Variants in BMX observed in about 807,000 individuals in gnomAD.
BMX encodes cytoplasmic tyrosine-protein kinase BMX.
BMX carries 31 observed loss-of-function variants against 59.2 expected under a neutral mutation model. The observed-to-expected ratio is 0.52, with a 90% confidence interval of 0.39 to 0.71. The LOEUF is 0.71. Among genes scored for constraint, BMX ranks in the 30% least tolerant of loss-of-function variants. The pLI, the probability that BMX is intolerant of heterozygous loss-of-function variation, is 0.00. For synonymous variants in BMX, 185 were observed against 181.0 expected (o/e 1.02, Z -0.18); for missense variants, 474 against 491.7 (o/e 0.96, Z 0.34).
At chrX:15,529,933 A>C in intron 9 of BMX, 40 bp from the exon 10 acceptor site, 1 of 1,154,769 alleles carries the variant, frequency 8.7e-7, no homozygotes, top group Non-Finnish European at 1.2e-6. Context: ...TACAATCTAA[A>C]ACTTATTGAT....
In BMX at chrX:15,536,227, A is replaced by G. The variant is rs1039989657; in HGVS notation, c.1148-126A>G. ...ACAACTGAATGGATTCTCTCTCTGC[A>G]TTACAACATTCTGAACTCTTTGCTT... On this transcript the variant is annotated intron_variant, in intron 12 of 18. Coordinates refer to ENST00000348343, the MANE Select transcript of BMX (RefSeq NM_203281.3). The G allele has an allele frequency of 6.5e-6, 4 of 620,037 alleles. No homozygotes were observed. The African/African-American group carries it at 8.8e-5, about 14-fold the overall frequency. The allele number at this position is 620,037 out of a possible 1,213,427, so 51.1% of individuals were successfully genotyped here.
In BMX at chrX:15,521,498, T is replaced by C. The variant is rs148550574; in HGVS notation, c.511-848T>C. Among the ~76,000 whole-genome samples, 246 of 112,289 alleles carry C rather than the reference T, an allele frequency of 2.2e-3. 1 individual carries two copies. The highest frequency in any genetic ancestry group is 7.3e-3 in the African/African-American group (227 of 30,900). On this transcript the variant is annotated intron_variant, in intron 6 of 18. Coordinates refer to ENST00000348343, the MANE Select transcript of BMX (RefSeq NM_203281.3). ...GGCTTAAAGCAACATACATTTATTC[T>C]CTTATAGTTTGGAAGATCATATGTC...
intron 17 of BMX, among the ~76,000 whole-genome samples, chrX:15,547,993 G>A (rs2147142746): frequency 9.0e-6 from 1 of 111,436 alleles, no homozygotes; most frequent in East Asian, 2.8e-4. Flanking sequence ...ATTTCTCTAT[G>A]TGACACAATT....
Position 15,509,501 on chromosome X carries a change from T to C in BMX, c.243+68T>C, listed in dbSNP as rs766856304. On this transcript the variant is annotated intron_variant, in intron 3 of 18. Coordinates refer to ENST00000348343, the MANE Select transcript of BMX (RefSeq NM_203281.3). ...TTCAATTTTTCTATCGTGAACTCAA[T>C]ATATCTAGGAAAAATAATGATATTT... The C allele has an allele frequency of 3.3e-5, 22 of 672,031 alleles. No homozygotes were observed. In the African/African-American group the frequency reaches 5.0e-4, roughly 15 times the overall value. 55.4% of individuals were successfully genotyped at this position (672,031 alleles called of 1,213,427 possible). A position where few individuals can be genotyped will look rare whatever the true frequency, so the allele number is the denominator to read the frequency against.
intron 11 of BMX, among the ~76,000 whole-genome samples, chrX:15,533,864 A>C (rs1176542517): frequency 9.0e-6 from 1 of 111,350 alleles, no homozygotes; most frequent in Admixed American, 9.6e-5. Context: ...TTATGTTCAG[A>C]ATAATGATCC....
At position 15,508,384 on chromosome X, in the gene BMX, C is replaced by A; in HGVS notation, c.31C>A (p.Leu11Ile). ...TACAAAATCTATTCTAGAAGAACTT[C>A]TTCTCAAAAGATCACAGCAAAAGAA... MDTKSILEEL[L>I]LKRSQQKKKM... The change falls in exon 2 of 19, where the codon CTT becomes ATT. Residue 11 changes from leucine to isoleucine, a missense_variant. Coordinates refer to ENST00000348343, the MANE Select transcript of BMX (RefSeq NM_203281.3). The A allele has an allele frequency of 5.2e-6, 6 of 1,152,248 alleles. No individual in the cohort carries two copies. The highest frequency in any genetic ancestry group is 7.0e-6 in the Non-Finnish European group (6 of 854,054). The allele number at this position is 1,152,248 out of a possible 1,213,427, so 95.0% of individuals were successfully genotyped here. A position where few individuals can be genotyped will look rare whatever the true frequency, so the allele number is the denominator to read the frequency against.
rs780708971 is a variant in BMX, at chrX:15,525,373, A to T, written c.830+8A>T. On this transcript the variant is annotated splice_region_variant and intron_variant, in intron 8 of 18. Transcript: ENST00000348343. ...CACCTCAAAGATTTCATGGTAAATC[A>T]AATTCAGATATCTCCTACATCCAGA... 1 of 1,189,860 alleles carries T rather than the reference A, an allele frequency of 8.4e-7. No homozygotes were observed. The highest frequency in any genetic ancestry group is 1.1e-6 in the Non-Finnish European group (1 of 876,833).
In BMX at chrX:15,546,860, G is replaced by A. The variant is rs747676627; in HGVS notation, c.1734G>A (p.Trp578Ter). The A allele has an allele frequency of 1.7e-6, 2 of 1,210,998 alleles. No individual in the cohort carries two copies. The highest frequency in any genetic ancestry group is 2.2e-6 in the Non-Finnish European group (2 of 895,107). ...TCGGAACAAAGTTTCCAGTCAAGTG[G>A]TCAGCTCCAGAGGTGTTTCATTACT... ...SSVGTKFPVK[W>*]SAPEVFHYFK... Residue 578 changes from tryptophan (W) to a stop codon, truncating the protein, a stop_gained, in exon 17 of 19, where the codon TGG becomes TGA. Transcript: ENST00000348343. LOFTEE classifies it high-confidence loss of function.
chrX:15,516,185 C>T lies in BMX; in HGVS notation c.399C>T (p.Cys133=). The T allele has an allele frequency of 3.3e-6, 4 of 1,210,925 alleles. No homozygotes were observed. Among genetic ancestry groups the T allele is most frequent in the Non-Finnish European group, 4.5e-6 (4 of 894,903 alleles). Reference sequence around the variant, plus strand: ...TCGTGGACGGGAAGTTCCTGTGTTGCCAGCAGAGCTGTAAAGCAGCCCCAG... The same window carrying T: ...TCGTGGACGGGAAGTTCCTGTGTTGTCAGCAGAGCTGTAAAGCAGCCCCAG... The part of the protein sequence containing the change: ...GFFVDGKFLC[C]QQSCKAAPGC... The change falls in exon 5 of 19, where the codon TGC becomes TGT. Residue 133 remains cysteine (C), a synonymous_variant. Transcript: ENST00000348343.
At chrX:15,550,568 G>A (rs7062262) in intron 18 of BMX, among the ~76,000 whole-genome samples, 2,173 of 109,127 alleles carry the variant, frequency 0.02, 67 homozygotes, top group African/African-American at 0.069. Flanking sequence ...AGCTTCAGGG[G>A]ATTAATTTGC....
intron 18 of BMX, among the ~76,000 whole-genome samples, chrX:15,554,746 C>G (rs1192347338): frequency 9.0e-6 from 1 of 111,145 alleles, no homozygotes; most frequent in Non-Finnish European, 1.9e-5. Flanking sequence ...AAATATGGCT[C>G]CAAATATATA....
intron 2 of BMX, 73 bp from the exon 3 acceptor site, chrX:15,509,256 T>C (rs983446783): frequency 7.4e-5 from 24 of 325,628 alleles, no homozygotes; most frequent in Non-Finnish European, 9.7e-5. Flanking sequence ...CAGGCATAAC[T>C]TGGGCTTTAT....
intron 5 of BMX, among the ~76,000 whole-genome samples, chrX:15,517,087 A>T (rs763269199): frequency 4.5e-5 from 5 of 111,647 alleles, no homozygotes; most frequent in African/African-American, 1.6e-4. Context: ...TCACTTCATG[A>T]CAGTATTGAT....
chrX:15,527,281 TATAC>T (rs1924826901), intron 9 of BMX, among the ~76,000 whole-genome samples: 1 of 54,417 alleles, frequency 1.8e-5, no homozygotes, highest in Non-Finnish European at 3.2e-5. Flanking sequence ...TATATATATA[TATAC>T]ACACACACAC....
At position 15,517,977 on chromosome X, in the gene BMX, C is replaced by T. The variant is rs1279885779; in HGVS notation, c.494C>T (p.Thr165Ile). 6.6e-6 allele frequency: 8 copies of T among 1,205,357 alleles called. No homozygotes were observed. Among genetic ancestry groups the T allele is most frequent in the Non-Finnish European group, 7.9e-6 (7 of 891,386 alleles). Residue 165 changes from threonine (T) to isoleucine (I), a missense_variant, in exon 6 of 19, where the codon ACC becomes ATC. Coordinates refer to ENST00000348343, the MANE Select transcript of BMX (RefSeq NM_203281.3). ...AATGAAGAGAAACACAGAGTTCCCA[C>T]CTTCCCAGACAGAGTGGTAAGTCAA... The part of the protein sequence containing the change: ...AVNEEKHRVP[T>I]FPDRVLKIPR...
chrX:15,543,952 C>T (rs764876475), intron 16 of BMX, among the ~76,000 whole-genome samples: 30 of 111,767 alleles, frequency 2.7e-4, no homozygotes, highest in Non-Finnish European at 5.6e-5. Context: ...TTATTGAGTG[C>T]CTACTGAATA....
intron 7 of BMX, among the ~76,000 whole-genome samples, chrX:15,523,093 G>A (rs192168193): frequency 4.5e-4 from 50 of 112,345 alleles, no homozygotes; most frequent in Non-Finnish European, 8.1e-4. Flanking sequence ...TTCCTTGAAG[G>A]CAACATGTAA....
At chrX:15,517,783 A>G in intron 5 of BMX, 146 bp from the exon 6 acceptor site, 2 of 494,720 alleles carry the variant, frequency 4.0e-6, no homozygotes, top group South Asian at 6.6e-5. Flanking sequence ...GGAAAGCTAC[A>G]GAATCACTCC....
intron 16 of BMX, among the ~76,000 whole-genome samples, chrX:15,544,341 C>T (rs1273416181): frequency 9.1e-6 from 1 of 109,798 alleles, no homozygotes; most frequent in Non-Finnish European, 1.9e-5. Context: ...TACTAGCTAC[C>T]GTCACTCCAA....
Sources: allele counts gnomAD v4.1 joint callset (sites outside exome capture counted in the v4.1 genomes callset), GRCh38; gene constraint gnomAD v4.1.1; transcripts MANE v1.5; gene names NCBI Gene and HGNC (gene_info 2026-07-23, HGNC 2026-07-21).